Variants in DNAH11 observed in about 807,000 individuals in gnomAD.
The protein encoded by DNAH11 is dynein axonemal heavy chain 11.
Under a neutral mutation model 526.0 loss-of-function variants are expected in DNAH11, and 442 were observed. That is an observed-to-expected ratio of 0.84 (90% confidence interval 0.78 to 0.91). DNAH11 has a LOEUF of 0.91. Among genes scored for constraint, DNAH11 ranks in the 40% least tolerant of loss-of-function variants. The pLI is 0.00. For missense variants in DNAH11, 6,989 were observed against 5,448.7 expected (o/e 1.28, Z -8.90); for synonymous variants, 2,461 against 1,935.9 (o/e 1.27, Z -7.12).
chr7:21,751,814 C>T (rs955078068), intron 54 of DNAH11, among the ~76,000 whole-genome samples: 2 of 152,106 alleles, frequency 1.3e-5, no homozygotes, highest in Non-Finnish European at 2.9e-5. Context: ...AGCTTTTTCT[C>T]CATCAAAAAT....
At chr7:21,833,777 T>A (rs1315138995) in intron 65 of DNAH11, among the ~76,000 whole-genome samples, 1 of 152,154 alleles carries the variant, frequency 6.6e-6, no homozygotes, top group South Asian at 2.1e-4. Flanking sequence ...TAAGTTTTAT[T>A]GTAGAGATGC....
At chr7:21,574,654 C>G (rs1784017669) in intron 8 of DNAH11, among the ~76,000 whole-genome samples, 1 of 150,732 alleles carries the variant, frequency 6.6e-6, no homozygotes, top group South Asian at 2.1e-4. Context: ...ACCTCTGCCT[C>G]CTGGCTTCAA....
chr7:21,654,511 GC>G (rs1781927594), intron 28 of DNAH11, among the ~76,000 whole-genome samples: 2 of 151,888 alleles, frequency 1.3e-5, no homozygotes, highest in Non-Finnish European at 2.9e-5. Context: ...GGTTGTTTCC[GC>G]CTTTTGGCTA....
chr7:21,566,979 GA>G (rs992500624), intron 6 of DNAH11, among the ~76,000 whole-genome samples: 5 of 152,172 alleles, frequency 3.3e-5, no homozygotes, highest in East Asian at 1.9e-4. Context: ...ACAGTATGCA[GA>G]AAAAAACTAT....
At position 21,795,383 on chromosome 7, in the gene DNAH11, T is replaced by C. The variant is rs76534307; in HGVS notation, c.10027-5754T>C. 4.2e-3 allele frequency among the ~76,000 whole-genome samples: 636 copies of C among 152,288 alleles called. 2 individuals carry two copies. The highest frequency in any genetic ancestry group is 0.014 in the African/African-American group (598 of 41,546). Reference sequence around the variant, plus strand: ...GTTCTCCTAGATCAAGCTTGGACTTTAGGGGAACTCCTTGGAGAAAATACT... The same window carrying C: ...GTTCTCCTAGATCAAGCTTGGACTTCAGGGGAACTCCTTGGAGAAAATACT... On this transcript the variant is annotated intron_variant, in intron 61 of 81. Coordinates refer to ENST00000409508, the MANE Select transcript of DNAH11 (RefSeq NM_001277115.2).
chr7:21,701,289 CTTT>C (rs61172341), intron 36 of DNAH11, among the ~76,000 whole-genome samples: 29 of 136,552 alleles, frequency 2.1e-4, no homozygotes, highest in East Asian at 4.2e-4. Context: ...ACACTTTTTA[CTTT>C]TTTTTTTTTT....
chr7:21,850,364 A>AC (rs1402407079), intron 66 of DNAH11, among the ~76,000 whole-genome samples: 2 of 150,802 alleles, frequency 1.3e-5, no homozygotes, highest in Non-Finnish European at 3.0e-5. Flanking sequence ...CAAAAAAAAA[A>AC]AAAAAGAAAA....
At chr7:21,768,640 C>T (rs918162081) in intron 55 of DNAH11, among the ~76,000 whole-genome samples, 1 of 152,190 alleles carries the variant, frequency 6.6e-6, no homozygotes, top group African/African-American at 2.4e-5. Context: ...CAGGGAAAAG[C>T]AGTTATTCCC....
At chr7:21,873,784 C>CTGTTTTTT (rs1783590687) in intron 74 of DNAH11, among the ~76,000 whole-genome samples, 1 of 70,700 alleles carries the variant, frequency 1.4e-5, no homozygotes, top group Non-Finnish European at 2.3e-5. Flanking sequence ...GAGGAGGTTG[C>CTGTTTTTT]TTTTTTTTTT....
intron 30 of DNAH11, among the ~76,000 whole-genome samples, chr7:21,670,973 T>C (rs555468829): frequency 3.9e-4 from 60 of 152,248 alleles, no homozygotes; most frequent in African/African-American, 1.4e-3. Context: ...TGTCTGTAAT[T>C]TTCTTTTTCT....
intron 30 of DNAH11, among the ~76,000 whole-genome samples, chr7:21,675,671 A>G (rs1351159069): frequency 6.6e-6 from 1 of 152,106 alleles, no homozygotes; most frequent in Non-Finnish European, 1.5e-5. Context: ...TCGTTTGTTC[A>G]TTTCTTCATC....
intron 21 of DNAH11, 21 bp downstream of exon 21, chr7:21,615,293 A>G: frequency 6.2e-7 from 1 of 1,605,550 alleles, no homozygotes; most frequent in Non-Finnish European, 8.5e-7. Context: ...CTTTTTCAAA[A>G]CATGCTTTTT....
intron 73 of DNAH11, among the ~76,000 whole-genome samples, chr7:21,869,710 A>G (rs1396100771): frequency 6.6e-6 from 1 of 152,180 alleles, no homozygotes; most frequent in Non-Finnish European, 1.5e-5. Flanking sequence ...TCCTGCATCA[A>G]TCATTATCTC....
chr7:21,680,923 C>A (rs920641508), intron 30 of DNAH11, among the ~76,000 whole-genome samples: 2 of 152,126 alleles, frequency 1.3e-5, no homozygotes, highest in African/African-American at 4.8e-5. Context: ...TTTGGCCTTT[C>A]AAGATTTGTA....
At chr7:21,763,879 CAT>C (rs200319356) in intron 54 of DNAH11, among the ~76,000 whole-genome samples, 309 of 151,304 alleles carry the variant, frequency 2.0e-3, no homozygotes, top group African/African-American at 7.3e-3. Flanking sequence ...AAAATCCTGT[CAT>C]ATGTCAACAT....
At chr7:21,824,285 A>G (rs542799497) in intron 65 of DNAH11, among the ~76,000 whole-genome samples, 32 of 152,326 alleles carry the variant, frequency 2.1e-4, no homozygotes, top group African/African-American at 6.7e-4. Flanking sequence ...ATTATTGCCA[A>G]TATCCTTTAA....
chr7:21,679,048 A>G (rs1398236824), intron 30 of DNAH11, among the ~76,000 whole-genome samples: 2 of 152,224 alleles, frequency 1.3e-5, no homozygotes, highest in Admixed American at 1.3e-4. Context: ...ACACAGAGGA[A>G]TATGATTTAG....
intron 34 of DNAH11, among the ~76,000 whole-genome samples, chr7:21,689,892 C>G (rs1020120545): frequency 6.6e-6 from 1 of 152,192 alleles, no homozygotes. Context: ...CTACCTGTCT[C>G]TCAATATGGC....
intron 20 of DNAH11, among the ~76,000 whole-genome samples, chr7:21,611,780 A>G (rs1344666472): frequency 1.3e-5 from 2 of 152,332 alleles, no homozygotes; most frequent in East Asian, 3.9e-4. Context: ...ACTGGGAAAA[A>G]TTCTCTCTCA....
Sources: gnomAD v4.1 joint callset for allele counts (sites outside exome capture counted in the v4.1 genomes callset) on GRCh38, gnomAD v4.1.1 for gene constraint, MANE v1.5 for transcripts, NCBI Gene and HGNC (gene_info 2026-07-23, HGNC 2026-07-21) for gene names.